Variants in TGFBR2 observed in about 807,000 individuals in gnomAD.
TGFBR2 encodes transforming growth factor beta receptor 2, also known as TGF-beta receptor type-2.
TGFBR2 carries 18 observed loss-of-function variants against 49.0 expected under a neutral mutation model. That is an observed-to-expected ratio of 0.37 (90% CI 0.25 to 0.54). TGFBR2 has a LOEUF of 0.54. Among genes scored for constraint, TGFBR2 ranks in the 20% least tolerant of loss-of-function variants. The probability of loss-of-function intolerance (pLI) is 0.85; values close to 1 mark genes in which losing one functional copy is unlikely to be tolerated. For missense variants in TGFBR2, 525 were observed against 722.6 expected (o/e 0.73, Z 3.13); for synonymous variants, 282 against 275.9 (o/e 1.02, Z -0.22).
In TGFBR2 at chr3:30,643,415, C is replaced by T. The variant is rs17838698; in HGVS notation, c.95-1332C>T. ...AAACTCATGTCTTAAACATCATCAC[C>T]ATCTCATTGAGGAAGAAAATGGGGA... On this transcript the variant is annotated intron_variant, in intron 1 of 6. Transcript: ENST00000295754. Among the ~76,000 whole-genome samples, 47,535 of 152,118 alleles carry T rather than the reference C, an allele frequency of 0.31. 7,817 individuals are homozygous for T. The highest frequency in any genetic ancestry group is 0.68 in the East Asian group (3,514 of 5,180).
At chr3:30,611,610 C>T (rs1292004059) in intron 1 of TGFBR2, among the ~76,000 whole-genome samples, 5 of 83,858 alleles carry the variant, frequency 6.0e-5, no homozygotes, top group Admixed American at 1.4e-4. Flanking sequence ...AGAAGGGTGT[C>T]GGAAAGAGAA....
chr3:30,643,970 G>T (rs1698685741), intron 1 of TGFBR2, among the ~76,000 whole-genome samples: 2 of 152,294 alleles, frequency 1.3e-5, no homozygotes, highest in Middle Eastern at 3.4e-3. Context: ...GGTGATGGTG[G>T]TGATAAGGGA....
At position 30,653,250 on chromosome 3, in the gene TGFBR2, C is replaced by CTTT. The variant is rs3076740; in HGVS notation, c.454+2807_454+2809dup. 7.2e-3 allele frequency among the ~76,000 whole-genome samples: 812 copies of CTTT among 113,414 alleles called. 70 individuals carry two copies. Among genetic ancestry groups the CTTT allele is most frequent in the East Asian group, 0.018 (71 of 3,906 alleles). The allele number at this position is 113,414 out of a possible 152,430, so 74.4% of individuals were successfully genotyped here. On this transcript the variant is annotated intron_variant, in intron 3 of 6. Transcript: ENST00000295754. The stretch of plus-strand genomic sequence containing the variant: ...TCTTCTTTATCTTGAGGAATGAAAA[C>CTTT]TTTTTTTTTTTTTTTTTTTGAGACA...
chr3:30,644,088 TGTTA>T (rs1387197677), intron 1 of TGFBR2, among the ~76,000 whole-genome samples: 2 of 152,164 alleles, frequency 1.3e-5, no homozygotes, highest in African/African-American at 4.8e-5. Context: ...ACTCAGTAAG[TGTTA>T]GTTAATCAAT....
intron 1 of TGFBR2, among the ~76,000 whole-genome samples, chr3:30,607,608 A>T (rs1697946625): frequency 1.3e-5 from 2 of 152,028 alleles, no homozygotes; most frequent in South Asian, 4.1e-4. Flanking sequence ...TGAAACCGAG[A>T]ATCCCTCACT....
chr3:30,633,281 C>T (rs764405408), intron 1 of TGFBR2, among the ~76,000 whole-genome samples: 11 of 152,144 alleles, frequency 7.2e-5, no homozygotes, highest in Non-Finnish European at 1.6e-4. Context: ...ATAATCATCA[C>T]AGTACTTAAT....
chr3:30,614,579 C>A (rs1042203631), intron 1 of TGFBR2, among the ~76,000 whole-genome samples: 1 of 152,188 alleles, frequency 6.6e-6, no homozygotes, highest in African/African-American at 2.4e-5. Context: ...TCCCCTGTAG[C>A]TTTTCTCAAG....
intron 1 of TGFBR2, 61 bp downstream of exon 1, chr3:30,607,038 C>T: frequency 2.1e-6 from 3 of 1,422,064 alleles, no homozygotes; most frequent in Non-Finnish European, 2.9e-6. Flanking sequence ...GTCCCCGCCT[C>T]TCCGCTGCGC....
At chr3:30,675,712 G>C (rs996085197) in intron 5 of TGFBR2, among the ~76,000 whole-genome samples, 1 of 152,046 alleles carries the variant, frequency 6.6e-6, no homozygotes, top group African/African-American at 2.4e-5. Context: ...TTTTTGTTTT[G>C]TGATAATTTT....
chr3:30,665,423 T>C (rs1005123218), intron 3 of TGFBR2, among the ~76,000 whole-genome samples: 2 of 152,200 alleles, frequency 1.3e-5, no homozygotes, highest in African/African-American at 4.8e-5. Flanking sequence ...CATAGGGTTA[T>C]TGGAGAAATA....
At chr3:30,646,440 G>A (rs761929893) in intron 2 of TGFBR2, among the ~76,000 whole-genome samples, 1 of 152,160 alleles carries the variant, frequency 6.6e-6, no homozygotes, top group Non-Finnish European at 1.5e-5. Flanking sequence ...AATTAGACAT[G>A]GTTAGTACAG....
intron 3 of TGFBR2, among the ~76,000 whole-genome samples, chr3:30,670,799 G>A (rs1357882192): frequency 1.3e-5 from 2 of 152,170 alleles, no homozygotes; most frequent in African/African-American, 2.4e-5. Flanking sequence ...TTACCTTTGC[G>A]GCCATGTTTC....
intron 3 of TGFBR2, among the ~76,000 whole-genome samples, chr3:30,652,198 A>G (rs1698903181): frequency 1.3e-5 from 2 of 150,034 alleles, no homozygotes; most frequent in South Asian, 4.2e-4. Flanking sequence ...CTCATCCTGT[A>G]AATGGTCCAT....
intron 3 of TGFBR2, among the ~76,000 whole-genome samples, chr3:30,665,374 C>T (rs1304331102): frequency 6.6e-6 from 1 of 152,190 alleles, no homozygotes; most frequent in Non-Finnish European, 1.5e-5. Flanking sequence ...GGTTCAGTAT[C>T]CTCCTCTGTA....
At chr3:30,678,801 C>G (rs1699486505) in intron 5 of TGFBR2, among the ~76,000 whole-genome samples, 1 of 152,152 alleles carries the variant, frequency 6.6e-6, no homozygotes, top group Non-Finnish European at 1.5e-5. Context: ...ACATTAACCT[C>G]TCTGTTCCCA....
At chr3:30,662,387 A>G (rs1699148626) in intron 3 of TGFBR2, among the ~76,000 whole-genome samples, 1 of 152,250 alleles carries the variant, frequency 6.6e-6, no homozygotes, top group African/African-American at 2.4e-5. Context: ...TCTGGGAGAG[A>G]GATAAGAAGG....
At chr3:30,608,583 G>C (rs1365016437) in intron 1 of TGFBR2, among the ~76,000 whole-genome samples, 3 of 152,136 alleles carry the variant, frequency 2.0e-5, no homozygotes, top group Admixed American at 6.5e-5. Context: ...GAAAAAATGC[G>C]CATCACGGTC....
rs901112570 is a variant in TGFBR2, at chr3:30,672,968, C to T, written c.1254+531C>T. On this transcript the variant is annotated intron_variant, in intron 4 of 6. Transcript: ENST00000295754. The surrounding 1 kb of genome is among the most constrained non-coding windows in gnomAD (Gnocchi z 4.5). ...TGAGTGAGCACTTCCACTCTTGAAG[C>T]ACTCTCACAGATTAAAATGGAAATG... Among the ~76,000 whole-genome samples, 1 of 152,190 alleles carries T rather than the reference C, an allele frequency of 6.6e-6. No individual in the cohort carries two copies. Among genetic ancestry groups the T allele is most frequent in the African/African-American group, 2.4e-5 (1 of 41,442 alleles).
At chr3:30,682,382 A>C (rs1699555309) in intron 5 of TGFBR2, among the ~76,000 whole-genome samples, 1 of 152,248 alleles carries the variant, frequency 6.6e-6, no homozygotes, top group South Asian at 2.1e-4. Flanking sequence ...TGCTAAACTC[A>C]GTCATACTCT....
Sources: allele counts gnomAD v4.1 joint callset (sites outside exome capture counted in the v4.1 genomes callset), GRCh38; gene constraint gnomAD v4.1.1; non-coding constraint Gnocchi (gnomAD v3.1); transcripts MANE v1.5; gene names NCBI Gene and HGNC (gene_info 2026-07-23, HGNC 2026-07-21).